Variants in SYNE1 observed in about 807,000 individuals in gnomAD.
SYNE1 encodes nesprin-1.
A neutral mutation model predicts 1,111.0 loss-of-function variants in SYNE1; 616 were observed. The observed-to-expected ratio is 0.55, with a 90% CI of 0.52 to 0.59. The LOEUF (loss-of-function observed/expected upper bound fraction) is 0.59. SYNE1 is among the 20% of genes least tolerant of loss of function. The probability of loss-of-function intolerance (pLI) is 0.00; values close to 1 mark genes in which losing one functional copy is unlikely to be tolerated. For missense variants in SYNE1, 10,006 were observed against 10,417.0 expected, an observed-to-expected ratio of 0.96 and a Z score of 1.72; for synonymous variants, 3,855 against 3,825.8, an observed-to-expected ratio of 1.01 and a Z score of -0.28.
intron 98 of SYNE1, among the ~76,000 whole-genome samples, chr6:152,276,025 G>A (rs1200418968): frequency 1.4e-5 from 2 of 139,790 alleles, no homozygotes; most frequent in African/African-American, 5.3e-5. Flanking sequence ...ATAAATTCTC[G>A]ACTTCTTTTT....
chr6:152,497,232 A>G lies in SYNE1; in HGVS notation c.939+1510T>C, dbSNP rs552037972. Among the ~76,000 whole-genome samples the G allele has an allele frequency of 5.3e-5, 8 of 152,308 alleles. No homozygotes were observed. In the East Asian group the frequency reaches 1.5e-3, roughly 29 times the overall value. On this transcript the variant is annotated intron_variant, in intron 11 of 145. Coordinates refer to ENST00000367255, the MANE Select transcript of SYNE1 (RefSeq NM_182961.4). The stretch of plus-strand genomic sequence containing the variant: ...AGTGTCTGGCACTCAGAATCACTCA[A>G]TATATGATTGCAGAATAAGCAATAA...
intron 6 of SYNE1, among the ~76,000 whole-genome samples, chr6:152,514,777 T>C (rs1024777561): frequency 1.3e-5 from 2 of 151,990 alleles, no homozygotes; most frequent in Non-Finnish European, 2.9e-5. Flanking sequence ...GAAGAGAAGC[T>C]TCCCCAGAAA....
intron 84 of SYNE1, 133 bp from the exon 85 acceptor site, chr6:152,319,148 G>T: frequency 7.9e-7 from 1 of 1,266,424 alleles, no homozygotes; most frequent in Non-Finnish European, 1.1e-6. Flanking sequence ...CACCAGCGAT[G>T]TGCGATTAGT....
At chr6:152,205,641 A>G (rs1470938336) in intron 126 of SYNE1, among the ~76,000 whole-genome samples, 2 of 152,270 alleles carry the variant, frequency 1.3e-5, no homozygotes, top group Admixed American at 1.3e-4. Flanking sequence ...TACATTTTCC[A>G]AAACTTACTG....
chr6:152,512,817 C>G lies in SYNE1; in HGVS notation c.310-1714G>C, dbSNP rs536008966. 1.2e-4 allele frequency among the ~76,000 whole-genome samples: 19 copies of G among 152,252 alleles called. No homozygotes were observed. The South Asian group carries it at 3.9e-3, about 32-fold the overall frequency. On this transcript the variant is annotated intron_variant, in intron 6 of 145. Transcript: ENST00000367255. Reference sequence around the variant, plus strand: ...TTTAACCTCCCATCTCTTGCAAAATCCTATTGAACTTACAATACATTCTTA... The same window carrying G: ...TTTAACCTCCCATCTCTTGCAAAATGCTATTGAACTTACAATACATTCTTA...
In SYNE1 at chr6:152,456,169, A is replaced by G. The variant is rs555218723; in HGVS notation, c.2569-125T>C. 4.2e-6 allele frequency: 4 copies of G among 941,946 alleles called. No individual in the cohort carries two copies. In the East Asian group the frequency reaches 9.8e-5, roughly 23 times the overall value. 58.3% of individuals were successfully genotyped at this position (941,946 alleles called of 1,614,324 possible). A position where few individuals can be genotyped will look rare whatever the true frequency, so the allele number is the denominator to read the frequency against. ...AGCTTTTAGGCTTCTAACACCAATA[A>G]GTAAAACCAAAAGTATGGTGGAACA... is the stretch of plus-strand genomic sequence containing the variant. On this transcript the variant is annotated intron_variant, in intron 22 of 145. Transcript: ENST00000367255.
At position 152,281,891 on chromosome 6, in the gene SYNE1, G is replaced by C. The variant is rs765380984; in HGVS notation, c.18297C>G (p.Leu6099=). The change falls in exon 97 of 146, where the codon CTC becomes CTG. Residue 6099 remains leucine, a synonymous_variant. Transcript: ENST00000367255. ...TGTCCAGAGTGGCCTTGGTACTCAA[G>C]AGCCAGCTGTCCAGCTCATCGGCTT... ...RCEADELDSW[L]LSTKATLDTA... 2 of 1,614,200 alleles carry C rather than the reference G, an allele frequency of 1.2e-6. No individual in the cohort carries two copies. The highest frequency in any genetic ancestry group is 2.2e-5 in the South Asian group (2 of 91,084).
chr6:152,342,109 A>G (rs2096545911), intron 74 of SYNE1, among the ~76,000 whole-genome samples: 1 of 152,244 alleles, frequency 6.6e-6, no homozygotes, highest in Admixed American at 6.5e-5. Flanking sequence ...GAGACATGTG[A>G]AAGAGGCAGA....
chr6:152,481,127 G>A (rs187690423), intron 14 of SYNE1: 2 of 214,670 alleles, frequency 9.3e-6, no homozygotes, highest in Admixed American at 1.1e-4. Context: ...TCTACAAACT[G>A]TTATAATTAA....
chr6:152,229,281 G>T (rs2082230026), intron 115 of SYNE1, among the ~76,000 whole-genome samples: 1 of 152,126 alleles, frequency 6.6e-6, no homozygotes, highest in South Asian at 2.1e-4. Context: ...AACAATATAT[G>T]AATTCATGAA....
intron 104 of SYNE1, among the ~76,000 whole-genome samples, chr6:152,251,964 G>T (rs1007768255): frequency 6.8e-6 from 1 of 147,534 alleles, no homozygotes; most frequent in Non-Finnish European, 1.5e-5. Context: ...TTTGCAGAAA[G>T]TTTCAAGCTT....
At chr6:152,353,545 G>A (rs2096779162) in intron 68 of SYNE1, 44 bp downstream of exon 68, 2 of 1,613,944 alleles carry the variant, frequency 1.2e-6, no homozygotes, top group Non-Finnish European at 1.7e-6. Context: ...ATTTTGGCTG[G>A]CGAAGTTTGC....
chr6:152,164,096 C>T, intron 131 of SYNE1, 67 bp downstream of exon 131: 1 of 1,601,738 alleles, frequency 6.2e-7, no homozygotes, highest in Non-Finnish European at 8.5e-7. Flanking sequence ...CATGCCCACC[C>T]CATCATCCTG....
Position 152,350,599 on chromosome 6 carries a change from GTCTTTCA to G in SYNE1, c.11733+12_11733+18del. On this transcript the variant is annotated intron_variant, in intron 71 of 145. Coordinates refer to ENST00000367255, the MANE Select transcript of SYNE1 (RefSeq NM_182961.4). ...TTTGGAAAATAAACCCTTTTACGGAGTCTTTCATCTCTCCTTACCTTTCCTATGCTGC... is the reference window on the plus strand; with the variant it reads ...TTTGGAAAATAAACCCTTTTACGGAGTCTCTCCTTACCTTTCCTATGCTGC... 6.2e-7 allele frequency: 1 copy of G among 1,614,132 alleles called. No homozygotes were observed. Among genetic ancestry groups the G allele is most frequent in the Non-Finnish European group, 8.5e-7 (1 of 1,180,006 alleles).
chr6:152,343,464 C>G (rs2096574880), intron 74 of SYNE1, among the ~76,000 whole-genome samples: 1 of 147,514 alleles, frequency 6.8e-6, no homozygotes, highest in Non-Finnish European at 1.5e-5. Flanking sequence ...CGGCCCCATT[C>G]TCTTTCTTTT....
intron 3 of SYNE1, among the ~76,000 whole-genome samples, chr6:152,602,855 G>T (rs1474468462): frequency 6.6e-6 from 1 of 152,132 alleles, no homozygotes; most frequent in African/African-American, 2.4e-5. Flanking sequence ...ATTGATGAAG[G>T]TGTGTGTGTG....
chr6:152,196,118 C>T lies in SYNE1; in HGVS notation c.23145+5706G>A, dbSNP rs1395874059. 2.0e-5 allele frequency among the ~76,000 whole-genome samples: 3 copies of T among 152,150 alleles called. No individual in the cohort carries two copies. The East Asian group carries it at 5.8e-4, about 29-fold the overall frequency. On this transcript the variant is annotated intron_variant, in intron 127 of 145. Coordinates refer to ENST00000367255, the MANE Select transcript of SYNE1 (RefSeq NM_182961.4). ...CTGATGTTTACATTAGGCCCAAGGG[C>T]TCTTCAACTCAGCTTGTGGTAAATG...
chr6:152,344,291 A>G, intron 73 of SYNE1, 64 bp from the exon 74 acceptor site: 1 of 1,607,014 alleles, frequency 6.2e-7, no homozygotes, highest in East Asian at 2.2e-5. Flanking sequence ...AGATCATTCA[A>G]ATTCAATGAA....
intron 87 of SYNE1, among the ~76,000 whole-genome samples, chr6:152,312,634 T>A (rs1411409467): frequency 6.7e-6 from 1 of 148,328 alleles, no homozygotes; most frequent in East Asian, 1.9e-4. Context: ...TTAATTATTT[T>A]AAATGATTTA....
Sources: gnomAD v4.1 joint callset for allele counts (sites outside exome capture counted in the v4.1 genomes callset) on GRCh38, gnomAD v4.1.1 for gene constraint, MANE v1.5 for transcripts, NCBI Gene and HGNC (gene_info 2026-07-23, HGNC 2026-07-21) for gene names.